B3GLCT: variants seen among roughly 807,000 people sequenced by gnomAD.
The protein encoded by B3GLCT is beta-1,3-glucosyltransferase.
B3GLCT carries 65 observed loss-of-function variants against 63.4 expected under a neutral mutation model. That is an observed-to-expected ratio of 1.03 (90% confidence interval 0.84 to 1.26). The LOEUF is 1.26. Among genes scored for constraint, B3GLCT ranks in the 50% most tolerant of loss-of-function variants. B3GLCT has a pLI of 0.00. For missense variants in B3GLCT, 577 were observed against 604.8 expected (o/e 0.95, Z 0.48); for synonymous variants, 233 against 219.2 (o/e 1.06, Z -0.55).
intron 12 of B3GLCT, among the ~76,000 whole-genome samples, chr13:31,288,950 C>T (rs1873497899): frequency 6.6e-6 from 1 of 151,906 alleles, no homozygotes; most frequent in Admixed American, 6.6e-5. Flanking sequence ...TTTTAAAGAA[C>T]CTCATTGAGG....
chr13:31,265,793 C>G (rs951804758), intron 7 of B3GLCT, among the ~76,000 whole-genome samples: 1 of 152,130 alleles, frequency 6.6e-6, no homozygotes, highest in Non-Finnish European at 1.5e-5. Flanking sequence ...GCAGGTGGCT[C>G]TGTTGACTGA....
At chr13:31,200,651 G>T (rs1000677095) in intron 1 of B3GLCT, among the ~76,000 whole-genome samples, 4 of 151,956 alleles carry the variant, frequency 2.6e-5, no homozygotes, top group East Asian at 3.9e-4. Flanking sequence ...GGCCCTCGAG[G>T]CCCCGCGGCT....
chr13:31,293,053 T>G (rs891220734), intron 12 of B3GLCT, among the ~76,000 whole-genome samples: 1 of 152,214 alleles, frequency 6.6e-6, no homozygotes, highest in African/African-American at 2.4e-5. Flanking sequence ...TGCCTAAATT[T>G]CATTACTTAC....
intron 3 of B3GLCT, among the ~76,000 whole-genome samples, chr13:31,225,903 C>G (rs1260022948): frequency 6.6e-6 from 1 of 152,138 alleles, no homozygotes; most frequent in African/African-American, 2.4e-5. Flanking sequence ...GTATATAAAT[C>G]CCTCATGATT....
chr13:31,220,594 T>G (rs115653933), intron 2 of B3GLCT, among the ~76,000 whole-genome samples: 1,902 of 152,344 alleles, frequency 0.012, 43 homozygotes, highest in African/African-American at 0.044. Flanking sequence ...GTTAATTTAG[T>G]CTAATTTTCT....
At chr13:31,322,092 C>T (rs1875355262) in intron 13 of B3GLCT, among the ~76,000 whole-genome samples, 1 of 152,210 alleles carries the variant, frequency 6.6e-6, no homozygotes, top group Admixed American at 6.5e-5. Context: ...GATGTTTTGA[C>T]CATTTCTTTT....
chr13:31,311,082 G>T (rs1042330764), intron 12 of B3GLCT, among the ~76,000 whole-genome samples: 2 of 152,230 alleles, frequency 1.3e-5, no homozygotes, highest in African/African-American at 4.8e-5. Context: ...AAAGAATCTT[G>T]TGTCAACAGG....
intron 11 of B3GLCT, among the ~76,000 whole-genome samples, chr13:31,285,106 C>A (rs1873255601): frequency 1.3e-5 from 2 of 152,148 alleles, no homozygotes; most frequent in Non-Finnish European, 2.9e-5. Context: ...TAGTCTAGTT[C>A]ACATATTATA....
intron 4 of B3GLCT, among the ~76,000 whole-genome samples, chr13:31,237,438 C>G (rs950376040): frequency 4.3e-4 from 65 of 149,684 alleles, no homozygotes; most frequent in African/African-American, 1.5e-3. Context: ...ACTGCAACCT[C>G]TGCCTTCTGG....
chr13:31,321,627 T>G (rs1046788274), intron 13 of B3GLCT, among the ~76,000 whole-genome samples: 4 of 152,230 alleles, frequency 2.6e-5, no homozygotes, highest in African/African-American at 9.6e-5. Context: ...CCAGTAAGTT[T>G]TTGAAAACCA....
In B3GLCT at chr13:31,330,686, G is replaced by C. The variant is rs1279558511; in HGVS notation, c.*1018G>C. 1 of 151,708 alleles carries C rather than the reference G, an allele frequency of 6.6e-6. No homozygotes were observed. The highest frequency in any genetic ancestry group is 2.4e-5 in the African/African-American group (1 of 41,274). The allele number at this position is 151,708 out of a possible 1,614,324, so 9.4% of individuals were successfully genotyped here. ...AACACAGTATTTTGAAACAGCTCTA[G>C]TTTTCAAATTATATCTTTAATATAT... On this transcript the variant is annotated 3_prime_UTR_variant, in exon 15 of 15. Transcript: ENST00000343307.
intron 1 of B3GLCT, among the ~76,000 whole-genome samples, chr13:31,202,600 A>T (rs1382180928): frequency 1.3e-5 from 2 of 152,198 alleles, no homozygotes; most frequent in Non-Finnish European, 2.9e-5. Context: ...CGGTGGCAGC[A>T]GCACTGTGAG....
intron 7 of B3GLCT, among the ~76,000 whole-genome samples, chr13:31,266,099 G>A (rs997549397): frequency 6.6e-6 from 1 of 151,976 alleles, no homozygotes; most frequent in Admixed American, 6.6e-5. Flanking sequence ...CCGGGTTCAC[G>A]CCATTCTCCT....
Position 31,269,100 on chromosome 13 carries a change from A to G in B3GLCT, c.597-114A>G, listed in dbSNP as rs181440962. The G allele has an allele frequency of 1.2e-3, 884 of 747,108 alleles. 1 individual carries two copies. The highest frequency in any genetic ancestry group is 1.7e-3 in the Non-Finnish European group (764 of 436,588). 46.3% of individuals were successfully genotyped at this position (747,108 alleles called of 1,614,324 possible). ...TCAAGGAATTTAAACTGTTATTTTT[A>G]TCTTTAAATCTGTATGTTTATCTGT... On this transcript the variant is annotated intron_variant, in intron 7 of 14. Coordinates refer to ENST00000343307, the MANE Select transcript of B3GLCT (RefSeq NM_194318.4).
At chr13:31,324,046 T>TA (rs962010336) in intron 14 of B3GLCT, 151 bp downstream of exon 14, 3 of 1,080,416 alleles carry the variant, frequency 2.8e-6, no homozygotes, top group East Asian at 2.4e-5. Flanking sequence ...CCAGGACTGT[T>TA]ACCCTGTTTG....
At chr13:31,291,054 T>G (rs1593300516) in intron 12 of B3GLCT, among the ~76,000 whole-genome samples, 1 of 151,524 alleles carries the variant, frequency 6.6e-6, no homozygotes, top group East Asian at 1.9e-4. Context: ...AAAGGTTTTC[T>G]GCATATGGCT....
intron 8 of B3GLCT, among the ~76,000 whole-genome samples, chr13:31,269,929 C>A (rs1302944400): frequency 6.6e-6 from 1 of 152,140 alleles, no homozygotes; most frequent in African/African-American, 2.4e-5. Flanking sequence ...TATTTAGACT[C>A]CACTCAGTCT....
intron 14 of B3GLCT, among the ~76,000 whole-genome samples, chr13:31,325,633 C>A (rs898589418): frequency 6.6e-6 from 1 of 152,180 alleles, no homozygotes; most frequent in Non-Finnish European, 1.5e-5. Flanking sequence ...TTAAACTTTT[C>A]CAAAATCATA....
At chr13:31,237,095 C>T (rs1381434404) in intron 4 of B3GLCT, among the ~76,000 whole-genome samples, 1 of 148,524 alleles carries the variant, frequency 6.7e-6, no homozygotes, top group Non-Finnish European at 1.5e-5. Context: ...CACTGCACTC[C>T]GGCCTGGGCA....
Sources: gnomAD v4.1 joint callset for allele counts (sites outside exome capture counted in the v4.1 genomes callset) on GRCh38, gnomAD v4.1.1 for gene constraint, MANE v1.5 for transcripts, NCBI Gene and HGNC (gene_info 2026-07-23, HGNC 2026-07-21) for gene names.